WRAP53: variants seen among roughly 807,000 people sequenced by gnomAD.
WRAP53 encodes telomerase Cajal body protein 1.
Under a neutral mutation model 56.6 loss-of-function variants are expected in WRAP53, and 28 were observed. That is an observed-to-expected ratio of 0.50 (90% CI 0.37 to 0.68). The LOEUF (loss-of-function observed/expected upper bound fraction) is 0.68. WRAP53 is among the 30% of genes least tolerant of loss of function. WRAP53 has a pLI of 0.00. For missense variants in WRAP53, 671 were observed against 715.5 expected (o/e 0.94, Z 0.71); for synonymous variants, 283 against 283.4 (o/e 1.00, Z 0.01).
chr17:7,696,487 A>G (rs1214051756), intron 4 of WRAP53, among the ~76,000 whole-genome samples: 2 of 151,944 alleles, frequency 1.3e-5, no homozygotes, highest in African/African-American at 2.4e-5. Context: ...TTTAGTAGAC[A>G]CGGGGTTTCA....
At chr17:7,691,334 C>T (rs796984944) in intron 4 of WRAP53, among the ~76,000 whole-genome samples, 6 of 150,518 alleles carry the variant, frequency 4.0e-5, no homozygotes, top group African/African-American at 9.8e-5. Flanking sequence ...GCAGCCACGT[C>T]GTGTTGGTTC....
intron 4 of WRAP53, among the ~76,000 whole-genome samples, chr17:7,695,648 T>C (rs1321927466): frequency 6.6e-6 from 1 of 152,170 alleles, no homozygotes; most frequent in South Asian, 2.1e-4. Flanking sequence ...GCTGACGACG[T>C]TGGCACTGTA....
Position 7,689,587 on chromosome 17 carries a change from T to C in WRAP53, c.531-3T>C. 3 of 1,613,832 alleles carry C rather than the reference T, an allele frequency of 1.9e-6. No individual in the cohort carries two copies. The highest frequency in any genetic ancestry group is 2.5e-6 in the Non-Finnish European group (3 of 1,179,728). ...CAGCTTTCTAACTCTCCCCTGTTTC[T>C]AGGGCTCCTGACGGTTCCTGCATCT... On this transcript the variant is annotated splice_polypyrimidine_tract_variant and splice_region_variant and intron_variant, in intron 3 of 10. Coordinates refer to ENST00000396463, the MANE Select transcript of WRAP53 (RefSeq NM_001143992.2).
At chr17:7,697,664 G>GA (rs1186698130) in intron 4 of WRAP53, among the ~76,000 whole-genome samples, 22 of 148,030 alleles carry the variant, frequency 1.5e-4, no homozygotes, top group Admixed American at 2.7e-4. Flanking sequence ...GTCTCAAAAA[G>GA]AAAAAAAAAG....
rs1896061855 is a variant in WRAP53 at position 7,702,637 on chromosome 17, G to T, written c.1164+85G>T. ...AGTCTGCAGTGTAGGGGAATGGGTGGGGATGGGGAAAAAATCCCAAGCTGA... is the reference window on the plus strand; with the variant it reads ...AGTCTGCAGTGTAGGGGAATGGGTGTGGATGGGGAAAAAATCCCAAGCTGA... On this transcript the variant is annotated intron_variant, in intron 8 of 10. Transcript: ENST00000396463. This position sits in a 1 kb window ranked among gnomAD's most constrained non-coding sequence, Gnocchi z 5.0. The T allele has an allele frequency of 6.3e-7, 1 of 1,596,238 alleles. No individual in the cohort carries two copies. The highest frequency in any genetic ancestry group is 8.5e-7 in the Non-Finnish European group (1 of 1,174,778).
chr17:7,703,417 C>CA lies in WRAP53; in HGVS notation c.1579dup (p.Ile527AsnfsTer3). 1 of 1,612,268 alleles carries CA rather than the reference C, an allele frequency of 6.2e-7. No individual in the cohort carries two copies. ...GGTGTGGGGGGGCGCCAGACTCCAG[C>CA]ATCCCTGATGATCACCAGGGCGAGA... On this transcript the variant is annotated frameshift_variant, in exon 11 of 11. Coordinates refer to ENST00000396463, the MANE Select transcript of WRAP53 (RefSeq NM_001143992.2). LOFTEE classifies it low-confidence loss of function (END_TRUNC).
intron 4 of WRAP53, among the ~76,000 whole-genome samples, chr17:7,699,440 TTATATATATA>T (rs1219472741): frequency 1.4e-5 from 1 of 72,596 alleles, no homozygotes; most frequent in Non-Finnish European, 2.5e-5. Context: ...AAAAAAAAAT[TTATATATATA>T]TATATATTTA....
chr17:7,687,748 G>T (rs1174297148), upstream of WRAP53: 2 of 397,340 alleles, frequency 5.0e-6, no homozygotes, highest in East Asian at 3.6e-5. Context: ...GGGCAGAATT[G>T]GTGGAAATCA....
intron 4 of WRAP53, among the ~76,000 whole-genome samples, chr17:7,700,179 T>G: frequency 6.6e-6 from 1 of 151,896 alleles, no homozygotes; most frequent in Non-Finnish European, 1.5e-5. Context: ...CTCCTGAGTA[T>G]CTGGGATTAC....
In WRAP53 at chr17:7,703,332, T is replaced by C. The variant is rs139496430; in HGVS notation, c.1493T>C (p.Leu498Pro). The C allele has an allele frequency of 9.3e-6, 15 of 1,613,970 alleles. No individual in the cohort carries two copies. Among genetic ancestry groups the C allele is most frequent in the Non-Finnish European group, 1.3e-5 (15 of 1,179,998 alleles). The change falls in exon 11 of 11, where the codon CTG (leucine) becomes CCG (proline). Residue 498 changes from leucine to proline, a missense_variant. Around this residue, in one of 3 missense-constraint regions of WRAP53, gnomAD observed 107 missense variants for 81.3 expected, o/e 1.32. Coordinates refer to ENST00000396463, the MANE Select transcript of WRAP53 (RefSeq NM_001143992.2). ...GAGAGTGGGGACGAAGGAGAGGAGC[T>C]GGGCCTTCCCTTGCTCTCCACGCGC... is the stretch of plus-strand genomic sequence containing the variant. ...PTESGDEGEELGLPLLSTRHV... is the reference protein window; with the variant it reads ...PTESGDEGEEPGLPLLSTRHV...
chr17:7,689,155 C>T, intron 2 of WRAP53, 69 bp from the exon 3 acceptor site: 2 of 1,613,300 alleles, frequency 1.2e-6, no homozygotes, highest in Non-Finnish European at 1.7e-6. Context: ...GGTCCTGAGA[C>T]CCACTTCTCC....
chr17:7,698,465 C>T (rs1014989697), intron 4 of WRAP53, among the ~76,000 whole-genome samples: 1 of 152,198 alleles, frequency 6.6e-6, no homozygotes, highest in Admixed American at 6.5e-5. Flanking sequence ...GGCATGGTGG[C>T]TCATGCTTGT....
In WRAP53 at chr17:7,701,755, G is replaced by A; in HGVS notation, c.921G>A (p.Arg307=). 6.2e-7 allele frequency: 1 copy of A among 1,614,074 alleles called. No individual in the cohort carries two copies. The highest frequency in any genetic ancestry group is 8.5e-7 in the Non-Finnish European group (1 of 1,180,016). ...CTGTGCGTGTTTTTTCCACGGCCCGGCCTGGCCGAGACTGCGAGGTCCGAG... is the reference window on the plus strand; with the variant it reads ...CTGTGCGTGTTTTTTCCACGGCCCGACCTGGCCGAGACTGCGAGGTCCGAG... ...NRTVRVFSTA[R]PGRDCEVRAT... The change falls in exon 7 of 11, where the codon CGG becomes CGA. Residue 307 remains arginine, a synonymous_variant. Transcript: ENST00000396463. This position sits in a 1 kb window ranked among gnomAD's most constrained non-coding sequence, Gnocchi z 4.2.
chr17:7,688,350 T>A (rs2074046808), upstream of WRAP53: 1 of 481,500 alleles, frequency 2.1e-6, no homozygotes, highest in Non-Finnish European at 3.8e-6. Flanking sequence ...ACCTTTCACG[T>A]CCCGGCTCCG....
chr17:7,702,157 C>A lies in WRAP53; in HGVS notation c.956-187C>A. 2 of 722,128 alleles carry A rather than the reference C, an allele frequency of 2.8e-6. No homozygotes were observed. The highest frequency in any genetic ancestry group is 4.8e-6 in the Non-Finnish European group (2 of 418,792). The allele number at this position is 722,128 out of a possible 1,614,324, so 44.7% of individuals were successfully genotyped here. A position where few individuals can be genotyped will look rare whatever the true frequency, so the allele number is the denominator to read the frequency against. On this transcript the variant is annotated intron_variant, in intron 7 of 10. Transcript: ENST00000396463. This position sits in a 1 kb window ranked among gnomAD's most constrained non-coding sequence, Gnocchi z 5.0. ...TGAGAGGGATGAAGTGGGGCTTGGG[C>A]ATTTAGGTCCTTTGGGAGGATAGAT... is the stretch of plus-strand genomic sequence containing the variant.
Position 7,700,766 on chromosome 17 carries a change from G to C in WRAP53, c.668G>C (p.Gly223Ala), listed in dbSNP as rs753668696. 17 of 1,612,910 alleles carry C rather than the reference G, an allele frequency of 1.1e-5. No individual in the cohort carries two copies. In the Middle Eastern group the frequency reaches 4.9e-4, roughly 47 times the overall value. Residue 223 changes from glycine to alanine, a missense_variant, in exon 5 of 11, where the codon GGT (glycine) becomes GCT (alanine). Around this residue, in one of 3 missense-constraint regions of WRAP53, gnomAD observed 406 missense variants for 418.5 expected, o/e 0.97. Coordinates refer to ENST00000396463, the MANE Select transcript of WRAP53 (RefSeq NM_001143992.2). ...GTCCCTGTCCTTCGAATGGTGGAAG[G>C]TGATACCATCTATGATTACTGCTGG... is the stretch of plus-strand genomic sequence containing the variant. Reference protein sequence around the residue: ...EMVPVLRMVEGDTIYDYCWYS... With the variant: ...EMVPVLRMVEADTIYDYCWYS...
chr17:7,695,412 C>G (rs1030617296), intron 4 of WRAP53, among the ~76,000 whole-genome samples: 1 of 152,258 alleles, frequency 6.6e-6, no homozygotes, highest in South Asian at 2.1e-4. Flanking sequence ...AGTCTCATTT[C>G]CAGCTCCCCA....
chr17:7,702,955 TG>T lies in WRAP53; in HGVS notation c.1269-37del, dbSNP rs762036489. 3.1e-6 allele frequency: 5 copies of T among 1,612,802 alleles called. No homozygotes were observed. In the African/African-American group the frequency reaches 6.7e-5, roughly 22 times the overall value. On this transcript the variant is annotated intron_variant, in intron 9 of 10. Transcript: ENST00000396463. The surrounding 1 kb of genome is among the most constrained non-coding windows in gnomAD (Gnocchi z 5.0). ...GTGTGAGGGGTTCCTGCCCCAGGGGTGAGGCCTCTGCCAGCAAATCTCTCCT... is the reference window on the plus strand; with the variant it reads ...GTGTGAGGGGTTCCTGCCCCAGGGGTAGGCCTCTGCCAGCAAATCTCTCCT...
chr17:7,703,425 A>G lies in WRAP53; in HGVS notation c.1586A>G (p.Asp529Gly), dbSNP rs542482131. 28 of 1,611,852 alleles carry G rather than the reference A, an allele frequency of 1.7e-5. No homozygotes were observed. The South Asian group carries it at 2.9e-4, about 16-fold the overall frequency. Residue 529 changes from aspartate to glycine, a missense_variant, in exon 11 of 11, where the codon GAT (aspartate) becomes GGT (glycine). By Grantham distance (94) the Asp-to-Gly change is moderately conservative (BLOSUM62 -1). Coordinates refer to ENST00000396463, the MANE Select transcript of WRAP53 (RefSeq NM_001143992.2). ...CGGAPDSSIP[D>G]DHQGEKGQGG... The stretch of plus-strand genomic sequence containing the variant: ...GGGGCGCCAGACTCCAGCATCCCTG[A>G]TGATCACCAGGGCGAGAAAGGGCAG...
Sources: gnomAD v4.1 joint callset for allele counts (sites outside exome capture counted in the v4.1 genomes callset) on GRCh38, gnomAD v4.1.1 for gene constraint, gnomAD v4.1.1 regional missense constraint, Gnocchi (gnomAD v3.1) non-coding constraint, MANE v1.5 for transcripts, NCBI Gene and HGNC (gene_info 2026-07-23, HGNC 2026-07-21) for gene names.